TRMT11: variants seen among roughly 807,000 people sequenced by gnomAD.
The protein encoded by TRMT11 is tRNA methyltransferase 11.
In TRMT11, 53 loss-of-function variants were observed where a neutral mutation model predicts 62.8. The observed-to-expected ratio is 0.84, with a 90% CI of 0.68 to 1.06. The LOEUF is 1.06. TRMT11 is among the 50% of genes least tolerant of loss of function. The pLI is 0.00. For synonymous variants in TRMT11, 188 were observed against 190.3 expected (o/e 0.99, Z 0.10); for missense variants, 556 against 553.4 (o/e 1.00, Z -0.05).
chr6:126,167,644 A>C (rs1778283788), intron 21 of TRMT11, among the ~76,000 whole-genome samples: 1 of 152,212 alleles, frequency 6.6e-6, no homozygotes, highest in East Asian at 1.9e-4. Flanking sequence ...TATGGGAATC[A>C]GTGAATTTTG....
At chr6:126,075,897 C>T (rs900519923) in intron 17 of TRMT11, among the ~76,000 whole-genome samples, 2 of 152,146 alleles carry the variant, frequency 1.3e-5, no homozygotes, top group African/African-American at 4.8e-5. Flanking sequence ...ACTGCCTTAG[C>T]CCAGAAGTGA....
chr6:126,119,480 T>TAAA (rs56778747), intron 21 of TRMT11, among the ~76,000 whole-genome samples: 2 of 124,358 alleles, frequency 1.6e-5, no homozygotes, highest in Non-Finnish European at 3.5e-5. Context: ...TCTTCTTTGA[T>TAAA]AAAAAAAAAA....
chr6:126,262,250 G>T, the TRMT11 span, among the ~76,000 whole-genome samples: 1 of 152,192 alleles, frequency 6.6e-6, no homozygotes, highest in Non-Finnish European at 1.5e-5. Context: ...TGGCAGTCAG[G>T]TTAGGTGTGG....
At chr6:126,105,592 TTG>T (rs1777455842) in intron 17 of TRMT11, among the ~76,000 whole-genome samples, 1 of 151,444 alleles carries the variant, frequency 6.6e-6, no homozygotes, top group African/African-American at 2.4e-5. Flanking sequence ...ATCTTTAAGA[TTG>T]TTTTTTTTTT....
In TRMT11 at chr6:126,074,850, A is replaced by T. The variant is rs1349096941; in HGVS notation, c.*1437+21660A>T. Reference sequence around the variant, plus strand: ...AACAAATAATTAAACAATTATTTTCAAGACTAGCTGTCAGAAAAAAATCTA... The same window carrying T: ...AACAAATAATTAAACAATTATTTTCTAGACTAGCTGTCAGAAAAAAATCTA... On this transcript the variant is annotated intron_variant and NMD_transcript_variant, in intron 17 of 22. Coordinates refer to the TRMT11 transcript ENST00000648977. 2.6e-5 allele frequency among the ~76,000 whole-genome samples: 4 copies of T among 152,224 alleles called. No individual in the cohort carries two copies. In the East Asian group the frequency reaches 5.8e-4, roughly 22 times the overall value.
At chr6:126,052,995 AG>A (rs1012525321) in intron 16 of TRMT11, among the ~76,000 whole-genome samples, 5 of 152,152 alleles carry the variant, frequency 3.3e-5, no homozygotes, top group Admixed American at 2.0e-4. Context: ...CATTTCTGCT[AG>A]GGGTAAATGG....
intron 7 of TRMT11, among the ~76,000 whole-genome samples, chr6:125,999,993 G>A (rs556575139): frequency 1.1e-4 from 17 of 152,296 alleles, no homozygotes; most frequent in African/African-American, 3.8e-4. Context: ...TATTCATCCA[G>A]TTTAAATGTA....
intron 21 of TRMT11, among the ~76,000 whole-genome samples, chr6:126,137,382 G>T (rs1008885562): frequency 1.3e-5 from 2 of 151,596 alleles, no homozygotes; most frequent in African/African-American, 4.8e-5. Context: ...CATACAAATG[G>T]CCACAAATGC....
At chr6:126,172,474 A>G (rs1003097634), upstream of TRMT11, among the ~76,000 whole-genome samples, 15 of 152,226 alleles carry the variant, frequency 9.9e-5, no homozygotes, top group African/African-American at 3.6e-4. Context: ...AGTCCCCGGT[A>G]GTTATGTGAT....
chr6:126,257,136 T>C, the TRMT11 span, among the ~76,000 whole-genome samples: 1 of 152,024 alleles, frequency 6.6e-6, no homozygotes, highest in Non-Finnish European at 1.5e-5. Flanking sequence ...TCCACCCACG[T>C]CAGCATCCCA....
the TRMT11 span, among the ~76,000 whole-genome samples, chr6:126,210,820 C>G: frequency 6.6e-6 from 1 of 152,130 alleles, no homozygotes; most frequent in African/African-American, 2.4e-5. Flanking sequence ...TGTGTTGATA[C>G]CTTGCTCAAC....
the TRMT11 span, among the ~76,000 whole-genome samples, chr6:126,260,298 C>T: frequency 6.6e-6 from 1 of 152,108 alleles, no homozygotes; most frequent in Non-Finnish European, 1.5e-5. Flanking sequence ...GCAACTTAAC[C>T]TTGGTCACAT....
intron 21 of TRMT11, among the ~76,000 whole-genome samples, chr6:126,126,593 C>T (rs1036884683): frequency 2.6e-5 from 4 of 152,124 alleles, no homozygotes; most frequent in African/African-American, 9.7e-5. Flanking sequence ...TCAAACCTCA[C>T]GCTGTGCCTT....
chr6:126,102,088 C>G (rs527519312), intron 17 of TRMT11, among the ~76,000 whole-genome samples: 3 of 152,136 alleles, frequency 2.0e-5, no homozygotes, highest in Non-Finnish European at 4.4e-5. Flanking sequence ...GTGCTCTCTC[C>G]ATGGAGGCAG....
At chr6:126,073,721 GTTATA>G (rs1399655550) in intron 17 of TRMT11, among the ~76,000 whole-genome samples, 1 of 152,032 alleles carries the variant, frequency 6.6e-6, no homozygotes. Context: ...TTAAAAGTAT[GTTATA>G]TTATTTTTCA....
At chr6:126,072,879 T>C (rs1013784702) in intron 17 of TRMT11, among the ~76,000 whole-genome samples, 1 of 152,144 alleles carries the variant, frequency 6.6e-6, no homozygotes, top group Non-Finnish European at 1.5e-5. Context: ...CCAAAGACCC[T>C]CACCTTCAAA....
chr6:126,051,985 C>T (rs1168330314), intron 16 of TRMT11, among the ~76,000 whole-genome samples: 4 of 152,142 alleles, frequency 2.6e-5, no homozygotes, highest in African/African-American at 7.2e-5. Context: ...GCCGTTTTCC[C>T]CCAGCATGAT....
rs868370825 is a variant in TRMT11, at chr6:126,093,636, C to T, written c.*1438-19230C>T. ...ATATATATATATATATATATATTTT[C>T]CCCCAGTCCTGGAGGATCAATTAGG... On this transcript the variant is annotated intron_variant and NMD_transcript_variant, in intron 17 of 22. Coordinates refer to the TRMT11 transcript ENST00000648977. Among the ~76,000 whole-genome samples, 324 of 56,910 alleles carry T rather than the reference C, an allele frequency of 5.7e-3. 18 individuals are homozygous for T. The highest frequency in any genetic ancestry group is 0.029 in the African/African-American group (298 of 10,428). The allele number at this position is 56,910 out of a possible 152,430, so 37.3% of individuals were successfully genotyped here.
At chr6:126,114,156 A>G (rs1174474671) in intron 18 of TRMT11, among the ~76,000 whole-genome samples, 1 of 152,124 alleles carries the variant, frequency 6.6e-6, no homozygotes, top group Non-Finnish European at 1.5e-5. Flanking sequence ...ACATCTGCAC[A>G]CAGACACAAA....
Sources: gnomAD v4.1 joint callset for allele counts (sites outside exome capture counted in the v4.1 genomes callset) on GRCh38, gnomAD v4.1.1 for gene constraint, MANE v1.5 for transcripts, NCBI Gene and HGNC (gene_info 2026-07-23, HGNC 2026-07-21) for gene names.